Variants in ADGRE3 observed in about 807,000 individuals in gnomAD.
The protein encoded by ADGRE3 is adhesion G protein-coupled receptor E3.
ADGRE3 carries 88 observed loss-of-function variants against 80.1 expected under a neutral mutation model. The observed-to-expected ratio is 1.10, with a 90% CI of 0.93 to 1.31. The LOEUF is 1.31. Among genes scored for constraint, ADGRE3 ranks in the 40% most tolerant of loss-of-function variants. ADGRE3 has a pLI of 0.00. For synonymous variants in ADGRE3, 281 were observed against 294.8 expected, an observed-to-expected ratio of 0.95 and a Z score of 0.48; for missense variants, 715 against 776.5, an observed-to-expected ratio of 0.92 and a Z score of 0.94.
intron 7 of ADGRE3, among the ~76,000 whole-genome samples, chr19:14,648,396 T>C (rs1971477545): frequency 6.6e-6 from 1 of 152,092 alleles, no homozygotes; most frequent in Admixed American, 6.6e-5. Flanking sequence ...CCTCCACCAA[T>C]GATAGATCAG....
chr19:14,656,056 G>T (rs1052874573), intron 5 of ADGRE3, among the ~76,000 whole-genome samples: 2 of 151,656 alleles, frequency 1.3e-5, no homozygotes, highest in African/African-American at 2.4e-5. Context: ...AAAAGAAAAA[G>T]AAAAGAGGGC....
Position 14,619,199 on chromosome 19 carries a change from T to G in ADGRE3, c.*234A>C. The G allele has an allele frequency of 2.0e-6, 1 of 509,130 alleles. No homozygotes were observed. The highest frequency in any genetic ancestry group is 3.5e-6 in the Non-Finnish European group (1 of 289,800). 31.5% of individuals were successfully genotyped at this position (509,130 alleles called of 1,614,324 possible). ...AGGAAATATTTGCAGTGGTCATGCT[T>G]TGGGTTTCCAGGGACAAGCATTGAC... On this transcript the variant is annotated 3_prime_UTR_variant, in exon 16 of 16. Coordinates refer to ENST00000253673, the MANE Select transcript of ADGRE3 (RefSeq NM_032571.5).
chr19:14,636,186 T>C (rs1971077911), intron 11 of ADGRE3, among the ~76,000 whole-genome samples: 1 of 10,536 alleles, frequency 9.5e-5, no homozygotes, highest in Non-Finnish European at 1.8e-4. Flanking sequence ...CCTTCCTCTT[T>C]CTTTCTTTCT....
chr19:14,607,208 TC>T, the ADGRE3 span: 1 of 416,566 alleles, frequency 2.4e-6, no homozygotes, highest in East Asian at 4.1e-5. Flanking sequence ...AGGAGCTGTT[TC>T]TTTTTTTTTT....
intron 5 of ADGRE3, among the ~76,000 whole-genome samples, chr19:14,656,718 C>T (rs1971775771): frequency 6.6e-6 from 1 of 152,164 alleles, no homozygotes; most frequent in South Asian, 2.1e-4. Context: ...CAGCTGCTGG[C>T]ATTGACCCAT....
downstream of ADGRE3, among the ~76,000 whole-genome samples, chr19:14,618,213 C>A (rs750236809): frequency 6.6e-6 from 1 of 151,966 alleles, no homozygotes; most frequent in African/African-American, 2.4e-5. Context: ...AATTAATATA[C>A]GATTACCTCA....
At chr19:14,646,953 T>A (rs758109594) in intron 8 of ADGRE3, among the ~76,000 whole-genome samples, 14 of 151,892 alleles carry the variant, frequency 9.2e-5, no homozygotes, top group Non-Finnish European at 1.9e-4. Context: ...AGCTAATTGT[T>A]TTCTTCTTAT....
chr19:14,635,344 A>T (rs73506136), intron 11 of ADGRE3, among the ~76,000 whole-genome samples: 16,344 of 151,422 alleles, frequency 0.11, 1,128 homozygotes, highest in African/African-American at 0.19. Context: ...GGCTCAAGCA[A>T]TCCTTCCTCC....
In ADGRE3 at chr19:14,658,567, G is replaced by C; in HGVS notation, c.356-17C>G. The C allele has an allele frequency of 6.5e-7, 1 of 1,546,632 alleles. No homozygotes were observed. On this transcript the variant is annotated splice_polypyrimidine_tract_variant and intron_variant, in intron 4 of 15. Transcript: ENST00000253673. The stretch of plus-strand genomic sequence containing the variant: ...AGGTGGTGTCTGCAAAAGACATCAT[G>C]ATGGAGTTACTATTGGAACTGAGAG...
chr19:14,639,639 C>T lies in ADGRE3; in HGVS notation c.1249-1299G>A, dbSNP rs114496080. 6.6e-3 allele frequency among the ~76,000 whole-genome samples: 1,008 copies of T among 152,150 alleles called. 5 individuals are homozygous for T. The highest frequency in any genetic ancestry group is 0.023 in the African/African-American group (952 of 41,496). On this transcript the variant is annotated intron_variant, in intron 10 of 15. Transcript: ENST00000253673. ...CTATATTGCCCAGGATGGCCTCAAA[C>T]GCCTGGCCTCAAGTGATCTTTCCAC...
At chr19:14,641,342 G>A in intron 10 of ADGRE3, 77 bp downstream of exon 10, 1 of 1,556,230 alleles carries the variant, frequency 6.4e-7, no homozygotes, top group South Asian at 1.1e-5. Context: ...TTTTATTAAG[G>A]AATCTAGTGC....
chr19:14,610,904 C>T, the ADGRE3 span: 1 of 152,084 alleles, frequency 6.6e-6, no homozygotes, highest in African/African-American at 2.4e-5. Flanking sequence ...TCAAGCAATC[C>T]TTCCGTGATG....
At chr19:14,647,410 CTT>C (rs35043921) in intron 7 of ADGRE3, 45 bp from the exon 8 acceptor site, 215,728 of 913,782 alleles carry the variant, frequency 0.24, 4,561 homozygotes, top group Middle Eastern at 0.3. Flanking sequence ...TCTTTTCTTT[CTT>C]TTTTTTTTTT....
chr19:14,603,310 C>G, the ADGRE3 span, among the ~76,000 whole-genome samples: 1 of 152,136 alleles, frequency 6.6e-6, no homozygotes, highest in Admixed American at 6.6e-5. Context: ...AAACTGGTAT[C>G]TACTGGGACA....
At chr19:14,666,320 C>T (rs369069015) in intron 2 of ADGRE3, among the ~76,000 whole-genome samples, 21 of 149,956 alleles carry the variant, frequency 1.4e-4, no homozygotes, top group African/African-American at 3.2e-4. Flanking sequence ...ATTGTGATTT[C>T]GATTTGCATT....
At chr19:14,622,064 C>G (rs1970617859) in intron 15 of ADGRE3, 1 of 1,049,158 alleles carries the variant, frequency 9.5e-7, no homozygotes, top group African/African-American at 2.2e-5. Context: ...TTTCTTTTCT[C>G]CTTTATTGAA....
the ADGRE3 span, among the ~76,000 whole-genome samples, chr19:14,605,636 T>A: frequency 6.6e-6 from 1 of 152,198 alleles, no homozygotes; most frequent in Non-Finnish European, 1.5e-5. Context: ...CCAGTCTAAT[T>A]TCTTTCACCA....
intron 9 of ADGRE3, 88 bp from the exon 10 acceptor site, chr19:14,641,704 C>T (rs1599623987): frequency 1.3e-6 from 2 of 1,512,866 alleles, no homozygotes; most frequent in African/African-American, 1.4e-5. Flanking sequence ...TAGACACAGG[C>T]ACCAAGCCCA....
the ADGRE3 span, among the ~76,000 whole-genome samples, chr19:14,606,231 A>T: frequency 1.3e-5 from 2 of 152,086 alleles, no homozygotes; most frequent in Admixed American, 6.6e-5. Context: ...ACCTACTAAG[A>T]CGTCCACAGT....
Sources: gnomAD v4.1 joint callset for allele counts (sites outside exome capture counted in the v4.1 genomes callset) on GRCh38, gnomAD v4.1.1 for gene constraint, MANE v1.5 for transcripts, NCBI Gene and HGNC (gene_info 2026-07-23, HGNC 2026-07-21) for gene names.